Variants in NRG1 observed in about 807,000 individuals in gnomAD.
NRG1 encodes the protein pro-neuregulin-1, membrane-bound isoform.
A neutral mutation model predicts 63.8 loss-of-function variants in NRG1; 18 were observed. The observed-to-expected ratio is 0.28, with a 90% CI of 0.19 to 0.42. The LOEUF (loss-of-function observed/expected upper bound fraction) is 0.42, where lower values mean the gene tolerates loss of function less well. Among genes scored for constraint, NRG1 ranks in the 10% least tolerant of loss-of-function variants. The pLI is 1.00. For synonymous variants in NRG1, 302 were observed against 301.3 expected (o/e 1.00, Z -0.02); for missense variants, 762 against 814.7 (o/e 0.94, Z 0.79).
chr8:31,678,417 G>A (rs2131042691), intron 1 of NRG1, among the ~76,000 whole-genome samples: 1 of 152,166 alleles, frequency 6.6e-6, no homozygotes, highest in Non-Finnish European at 1.5e-5. Flanking sequence ...GTGAACTAGT[G>A]TTCCTTAGAC....
At chr8:32,575,470 C>T (rs1369348117) in intron 1 of NRG1, among the ~76,000 whole-genome samples, 1 of 151,984 alleles carries the variant, frequency 6.6e-6, no homozygotes, top group Non-Finnish European at 1.5e-5. Context: ...ATTAACTAAA[C>T]TTTGTAGTGG....
chr8:31,661,719 A>T (rs902680497), intron 1 of NRG1, among the ~76,000 whole-genome samples: 6 of 152,226 alleles, frequency 3.9e-5, no homozygotes, highest in Admixed American at 6.5e-5. Context: ...AAAAAATGTC[A>T]TCTGGATGTC....
chr8:32,356,488 C>CT (rs1179696356), intron 1 of NRG1, among the ~76,000 whole-genome samples: 1 of 144,018 alleles, frequency 6.9e-6, no homozygotes, highest in Non-Finnish European at 1.5e-5. Context: ...CCCCCCCACC[C>CT]GCCGGGCCCC....
rs548021539 is a variant in NRG1, at chr8:32,389,474, T to A, written c.38-206354T>A. On this transcript the variant is annotated intron_variant, in intron 1 of 10. Transcript: ENST00000519301. ...CTCATTTCTACATACCTTTCTAATATGTGCCAACTCTCTCTTCTTCATTTC... is the reference window on the plus strand; with the variant it reads ...CTCATTTCTACATACCTTTCTAATAAGTGCCAACTCTCTCTTCTTCATTTC... 6.6e-5 allele frequency among the ~76,000 whole-genome samples: 10 copies of A among 152,322 alleles called. No individual in the cohort carries two copies. In the South Asian group the frequency reaches 2.1e-3, roughly 32 times the overall value.
At chr8:32,554,332 AAAG>A (rs1373640199) in intron 1 of NRG1, among the ~76,000 whole-genome samples, 1 of 152,196 alleles carries the variant, frequency 6.6e-6, no homozygotes, top group African/African-American at 2.4e-5. Context: ...GTTAAAAAAA[AAAG>A]CGAGCTACCA....
intron 1 of NRG1, among the ~76,000 whole-genome samples, chr8:32,327,663 T>A (rs1224267532): frequency 6.6e-6 from 1 of 152,254 alleles, no homozygotes; most frequent in Non-Finnish European, 1.5e-5. Flanking sequence ...TCCTTGTTTT[T>A]CTTGTTTTGT....
In NRG1 at chr8:32,634,003, G is replaced by A. The variant is rs1223712391; in HGVS notation, c.502+17118G>A. On this transcript the variant is annotated intron_variant, in intron 5 of 11. Coordinates refer to ENST00000356819, the Ensembl canonical transcript of NRG1. Reference sequence around the variant, plus strand: ...CAAAGAAATTTTAAAAATTAGCCAGGTGTTGTGACATGTACCTGTAGTCCC... The same window carrying A: ...CAAAGAAATTTTAAAAATTAGCCAGATGTTGTGACATGTACCTGTAGTCCC... 2.7e-5 allele frequency among the ~76,000 whole-genome samples: 4 copies of A among 150,236 alleles called. No homozygotes were observed. The East Asian group carries it at 7.9e-4, about 30-fold the overall frequency.
rs1829339605 is a variant in NRG1, at chr8:32,512,568, C to T, written c.38-83260C>T. On this transcript the variant is annotated intron_variant, in intron 1 of 10. Coordinates refer to the NRG1 transcript ENST00000519301. ...CCATTATCTCATTTACCCTACATAACAACCTTATATGGTAAGTATCTTTTC... is the reference window on the plus strand; with the variant it reads ...CCATTATCTCATTTACCCTACATAATAACCTTATATGGTAAGTATCTTTTC... 2.0e-5 allele frequency among the ~76,000 whole-genome samples: 3 copies of T among 152,294 alleles called. No homozygotes were observed. The South Asian group carries it at 6.2e-4, about 32-fold the overall frequency.
chr8:31,687,002 C>T (rs143662089), intron 1 of NRG1, among the ~76,000 whole-genome samples: 1 of 152,252 alleles, frequency 6.6e-6, no homozygotes, highest in African/African-American at 2.4e-5. Context: ...CTCCTGACCT[C>T]AAAGGATCTG....
At chr8:31,857,088 G>C (rs540377553) in intron 1 of NRG1, among the ~76,000 whole-genome samples, 1 of 152,216 alleles carries the variant, frequency 6.6e-6, no homozygotes, top group Non-Finnish European at 1.5e-5. Flanking sequence ...CCTGCCCCCA[G>C]AGGTGGAGCC....
intron 1 of NRG1, among the ~76,000 whole-genome samples, chr8:31,691,456 G>A (rs968371023): frequency 5.3e-5 from 8 of 151,680 alleles, no homozygotes; most frequent in African/African-American, 1.5e-4. Flanking sequence ...TTAGCTGGGC[G>A]CAGTGGCGGG....
intron 1 of NRG1, among the ~76,000 whole-genome samples, chr8:31,941,233 A>G (rs182256312): frequency 6.6e-6 from 1 of 152,268 alleles, no homozygotes; most frequent in East Asian, 1.9e-4. Flanking sequence ...GGATGCAGGG[A>G]TGGTTTAACA....
chr8:32,547,957 C>T (rs1328850513), upstream of NRG1, among the ~76,000 whole-genome samples: 1 of 152,122 alleles, frequency 6.6e-6, no homozygotes, highest in African/African-American at 2.4e-5. Flanking sequence ...CAGGCGCTGC[C>T]TGGCTGCGGA....
At chr8:32,447,547 T>C (rs1820419191) in intron 1 of NRG1, among the ~76,000 whole-genome samples, 1 of 152,114 alleles carries the variant, frequency 6.6e-6, no homozygotes, top group Non-Finnish European at 1.5e-5. Context: ...ATTCTCTTAG[T>C]CAGCAATGTT....
At chr8:32,748,868 G>C (rs929707940) in intron 7 of NRG1, 1 of 290,984 alleles carries the variant, frequency 3.4e-6, no homozygotes, top group African/African-American at 2.3e-5. Flanking sequence ...AGTGTCCCAA[G>C]CCCCTGTTTG....
At chr8:32,295,109 G>C (rs1854678710) in intron 1 of NRG1, among the ~76,000 whole-genome samples, 1 of 152,072 alleles carries the variant, frequency 6.6e-6, no homozygotes, top group Non-Finnish European at 1.5e-5. Context: ...TGAAAATAAA[G>C]TGTCTAGTGT....
chr8:32,122,092 G>T (rs947239424), intron 1 of NRG1, among the ~76,000 whole-genome samples: 2 of 151,928 alleles, frequency 1.3e-5, no homozygotes, highest in Non-Finnish European at 2.9e-5. Context: ...TTCTAAATAG[G>T]TGAGCTGTGT....
intron 1 of NRG1, among the ~76,000 whole-genome samples, chr8:32,433,506 G>A (rs58536928): frequency 1.1e-4 from 16 of 152,160 alleles, no homozygotes; most frequent in African/African-American, 3.6e-4. Context: ...TTCCTTGTTC[G>A]GGAAATAATT....
rs558647800 is a variant in NRG1 at position 32,240,367 on chromosome 8, T to G, written c.38-355461T>G. Among the ~76,000 whole-genome samples, 105 of 152,178 alleles carry G rather than the reference T, an allele frequency of 6.9e-4. 1 individual carries two copies. Among genetic ancestry groups the G allele is most frequent in the African/African-American group, 2.2e-3 (93 of 41,544 alleles). On this transcript the variant is annotated intron_variant, in intron 1 of 10. Coordinates refer to the NRG1 transcript ENST00000519301. The stretch of plus-strand genomic sequence containing the variant: ...TCTTGAAATGACAAAAATATAGAAA[T>G]GGAGAACAGATTAGTAGTTTCCAGG...
Sources: gnomAD v4.1 joint callset for allele counts (sites outside exome capture counted in the v4.1 genomes callset) on GRCh38, gnomAD v4.1.1 for gene constraint, MANE v1.5 for transcripts, NCBI Gene and HGNC (gene_info 2026-07-23, HGNC 2026-07-21) for gene names.